Variants in JAK1 observed in about 807,000 individuals in gnomAD.
The protein encoded by JAK1 is Janus kinase 1.
In JAK1, 16 loss-of-function variants were observed where a neutral mutation model predicts 136.6. The ratio of observed to expected loss-of-function variants is 0.12; its 90% confidence interval spans 0.08 to 0.18. The LOEUF is 0.18. JAK1 is among the 10% of genes least tolerant of loss of function. The pLI is 1.00. For synonymous variants in JAK1, 492 were observed against 519.5 expected, an observed-to-expected ratio of 0.95 and a Z score of 0.72; for missense variants, 859 against 1,450.1, an observed-to-expected ratio of 0.59 and a Z score of 6.62.
chr1:65,055,913 T>C (rs1323316903), intron 1 of JAK1, among the ~76,000 whole-genome samples: 4 of 152,254 alleles, frequency 2.6e-5, no homozygotes, highest in African/African-American at 9.6e-5. Context: ...GAGGTCAAGG[T>C]TGGGTAAGTA....
At chr1:65,038,198 CT>C (rs113538392) in intron 2 of JAK1, among the ~76,000 whole-genome samples, 2,880 of 133,210 alleles carry the variant, frequency 0.022, 58 homozygotes, top group African/African-American at 0.071. Context: ...TTTTTCTTTT[CT>C]TTTTTTTTTT....
chr1:64,968,734 C>G (rs1646422220), upstream of JAK1, among the ~76,000 whole-genome samples: 2 of 152,130 alleles, frequency 1.3e-5, no homozygotes, highest in South Asian at 4.1e-4. Flanking sequence ...GAGTTTGAGA[C>G]CAGCCTGGCC....
intron 2 of JAK1, among the ~76,000 whole-genome samples, chr1:65,020,986 C>A (rs896621985): frequency 5.9e-5 from 9 of 152,136 alleles, no homozygotes; most frequent in African/African-American, 2.2e-4. Context: ...AAGACAGAGC[C>A]AGTCCACACC....
intron 12 of JAK1, among the ~76,000 whole-genome samples, chr1:64,848,768 CT>C (rs1570630047): frequency 6.6e-6 from 1 of 152,182 alleles, no homozygotes; most frequent in East Asian, 1.9e-4. Context: ...TGAGGACCCC[CT>C]GGAAATGCAG....
At chr1:64,900,676 C>T (rs1264549232) in intron 1 of JAK1, among the ~76,000 whole-genome samples, 1 of 152,208 alleles carries the variant, frequency 6.6e-6, no homozygotes, top group African/African-American at 2.4e-5. Context: ...TGCCTTCATT[C>T]TCGTCCGCTT....
At chr1:65,028,839 T>C (rs1441950407) in intron 2 of JAK1, among the ~76,000 whole-genome samples, 1 of 152,172 alleles carries the variant, frequency 6.6e-6, no homozygotes, top group Non-Finnish European at 1.5e-5. Context: ...ACATGGCCAA[T>C]GTCACACACA....
Position 64,930,738 on chromosome 1 carries a change from G to A in JAK1, c.-78+35595C>T, listed in dbSNP as rs544684586. ...GCACTGTTCACCATAGCAAATACTT[G>A]GATCCAACCCAAATGCCCATCAATG... On this transcript the variant is annotated intron_variant, in intron 1 of 24. Coordinates refer to ENST00000342505, the MANE Select transcript of JAK1 (RefSeq NM_002227.4). Among the ~76,000 whole-genome samples, 5 of 152,180 alleles carry A rather than the reference G, an allele frequency of 3.3e-5. No homozygotes were observed. The South Asian group carries it at 1.0e-3, about 32-fold the overall frequency.
chr1:64,838,515 T>G lies in JAK1; in HGVS notation c.2917A>C (p.Asn973His). 1 of 1,614,064 alleles carries G rather than the reference T, an allele frequency of 6.2e-7. No individual in the cohort carries two copies. The highest frequency in any genetic ancestry group is 2.2e-5 in the East Asian group (1 of 44,884). Residue 973 changes from asparagine (N) to histidine (H), a missense_variant, in exon 21 of 25, where the codon AAC becomes CAC. Physicochemically the swap from Asn to His is moderately conservative, Grantham distance 68. This residue lies in a region of JAK1 where 409 missense variants were observed against 753.8 expected (regional missense o/e 0.54). Coordinates refer to ENST00000342505, the MANE Select transcript of JAK1 (RefSeq NM_002227.4). ...SLKEYLPKNK[N>H]KINLKQQLKY... ...AGCTGCTGTTTGAGGTTTATTTTGTTCTTATTCTTTGGAAGATATTCCTTA... is the reference window on the plus strand; with the variant it reads ...AGCTGCTGTTTGAGGTTTATTTTGTGCTTATTCTTTGGAAGATATTCCTTA...
chr1:64,950,333 G>A (rs928199160), intron 1 of JAK1, among the ~76,000 whole-genome samples: 8 of 151,822 alleles, frequency 5.3e-5, no homozygotes, highest in African/African-American at 7.3e-5. Context: ...ACTTCAACCC[G>A]GAGGCAGAGG....
chr1:64,847,877 C>G (rs1655338501), intron 12 of JAK1, among the ~76,000 whole-genome samples: 1 of 152,106 alleles, frequency 6.6e-6, no homozygotes, highest in Non-Finnish European at 1.5e-5. Flanking sequence ...ATTTGCTGGG[C>G]CCCAGGAGAC....
At position 64,838,089 on chromosome 1, in the gene JAK1, C is replaced by A. The variant is rs1457515837; in HGVS notation, c.2983G>T (p.Gly995Cys). The change falls in exon 22 of 25, where the codon GGT becomes TGT. Residue 995 changes from glycine to cysteine, a missense_variant. Around this residue, in one of 4 missense-constraint regions of JAK1, gnomAD observed 44 missense variants for 137.6 expected, o/e 0.32. Transcript: ENST00000342505. ...VQICKGMDYL[G>C]SRQYVHRDLA... ...TCCCGGTGAACGTATTGCCGAGAAC[C>A]CAAATAGTCCATCCCCTGAGAGAGA... is the stretch of plus-strand genomic sequence containing the variant. The A allele has an allele frequency of 6.2e-7, 1 of 1,613,778 alleles. No homozygotes were observed.
intron 2 of JAK1, among the ~76,000 whole-genome samples, chr1:64,978,243 A>G (rs1268057998): frequency 2.0e-5 from 3 of 152,158 alleles, no homozygotes; most frequent in African/African-American, 7.2e-5. Flanking sequence ...ACACCACTGC[A>G]CTCCAGCCTG....
At chr1:65,019,815 C>A (rs903496692) in intron 2 of JAK1, among the ~76,000 whole-genome samples, 1 of 151,914 alleles carries the variant, frequency 6.6e-6, no homozygotes, top group African/African-American at 2.4e-5. Flanking sequence ...ACTTGAGAGG[C>A]TAAAGCAGGA....
intron 22 of JAK1, among the ~76,000 whole-genome samples, chr1:64,837,360 T>C (rs894233940): frequency 1.3e-5 from 2 of 152,218 alleles, no homozygotes; most frequent in Non-Finnish European, 2.9e-5. Flanking sequence ...TGTCGTTATG[T>C]GGTTACGTGG....
intron 1 of JAK1, among the ~76,000 whole-genome samples, chr1:64,940,273 T>C (rs901831242): frequency 6.6e-6 from 1 of 151,840 alleles, no homozygotes. Flanking sequence ...ATCCCTATTG[T>C]AAGAGTCATC....
intron 1 of JAK1, among the ~76,000 whole-genome samples, chr1:64,965,143 G>C (rs1360561845): frequency 6.6e-6 from 1 of 151,908 alleles, no homozygotes. Context: ...AACCAAACAC[G>C]CCCTGATTTA....
chr1:64,887,041 C>T (rs2101313609), intron 1 of JAK1, among the ~76,000 whole-genome samples: 1 of 152,266 alleles, frequency 6.6e-6, no homozygotes, highest in East Asian at 1.9e-4. Flanking sequence ...AGATGGGTTA[C>T]CTCTGAGGCC....
At chr1:64,907,061 C>T (rs1645201974) in intron 1 of JAK1, among the ~76,000 whole-genome samples, 1 of 151,260 alleles carries the variant, frequency 6.6e-6, no homozygotes, top group African/African-American at 2.4e-5. Flanking sequence ...TCCAGTAATG[C>T]CTTTATAACT....
intron 2 of JAK1, chr1:64,972,683 G>A (rs1646462289): frequency 6.6e-6 from 1 of 152,320 alleles, no homozygotes; most frequent in Non-Finnish European, 1.5e-5. Flanking sequence ...CAGCTACTCA[G>A]TAGGCTGAGG....
Sources: gnomAD v4.1 joint callset for allele counts (sites outside exome capture counted in the v4.1 genomes callset) on GRCh38, gnomAD v4.1.1 for gene constraint, gnomAD v4.1.1 regional missense constraint, MANE v1.5 for transcripts, NCBI Gene and HGNC (gene_info 2026-07-23, HGNC 2026-07-21) for gene names.